MED13: variants seen among roughly 807,000 people sequenced by gnomAD.
The protein encoded by MED13 is mediator complex subunit 13, also known as mediator of RNA polymerase II transcription subunit 13.
MED13 carries 23 observed loss-of-function variants against 225.2 expected under a neutral mutation model. The ratio of observed to expected loss-of-function variants is 0.10; its 90% CI spans 0.07 to 0.14. The LOEUF is 0.14. Among genes scored for constraint, MED13 ranks in the 10% least tolerant of loss-of-function variants. The probability of loss-of-function intolerance (pLI) is 1.00; values close to 1 mark genes in which losing one functional copy is unlikely to be tolerated. For synonymous variants in MED13, 942 were observed against 889.2 expected (o/e 1.06, Z -1.06); for missense variants, 2,197 against 2,594.5 (o/e 0.85, Z 3.33).
At chr17:62,050,316 C>A (rs1360728126) in intron 3 of MED13, among the ~76,000 whole-genome samples, 1 of 151,108 alleles carries the variant, frequency 6.6e-6, no homozygotes, top group Admixed American at 6.6e-5. Flanking sequence ...CGAGATCATA[C>A]CATTGCGCTC....
At chr17:62,013,542 GA>G (rs915495416) in intron 8 of MED13, among the ~76,000 whole-genome samples, 3 of 151,184 alleles carry the variant, frequency 2.0e-5, no homozygotes, top group African/African-American at 7.3e-5. Flanking sequence ...TGATCTGATG[GA>G]TATCTATGAA....
At chr17:62,049,263 T>C (rs921378320) in intron 3 of MED13, among the ~76,000 whole-genome samples, 4 of 152,074 alleles carry the variant, frequency 2.6e-5, no homozygotes, top group Admixed American at 6.5e-5. Context: ...GGGAAACTCA[T>C]AAGATTATAC....
At chr17:61,986,010 C>T (rs148921942) in intron 12 of MED13, among the ~76,000 whole-genome samples, 9 of 152,270 alleles carry the variant, frequency 5.9e-5, no homozygotes, top group Non-Finnish European at 1.3e-4. Context: ...TCAGAGCTAA[C>T]ATTTGTTCCA....
chr17:61,998,283 A>C (rs1473464288), intron 9 of MED13, among the ~76,000 whole-genome samples: 3 of 152,178 alleles, frequency 2.0e-5, no homozygotes, highest in African/African-American at 7.2e-5. Context: ...ATTAGACATA[A>C]AGCTAAATAC....
At position 62,033,910 on chromosome 17, in the gene MED13, T is replaced by G. The variant is rs908011478; in HGVS notation, c.691A>C (p.Lys231Gln). Reference protein sequence around the residue: ...AFKMSDSATKKLIGEWKQFYP... With the variant: ...AFKMSDSATKQLIGEWKQFYP... ...AACTGTTTCCATTCACCAATTAATT[T>G]TTTTGTAGCTGAATCAGACATCTTG... The change falls in exon 5 of 30, where the codon AAA becomes CAA. Residue 231 changes from lysine (K) to glutamine (Q), a missense_variant. Physicochemically the swap from Lys to Gln is moderately conservative, Grantham distance 53. This residue lies in a region of MED13 where 884 missense variants were observed against 918.5 expected (regional missense o/e 0.96). Coordinates refer to ENST00000397786, the MANE Select transcript of MED13 (RefSeq NM_005121.3). The G allele has an allele frequency of 1.2e-6, 2 of 1,614,014 alleles. No homozygotes were observed. The highest frequency in any genetic ancestry group is 2.7e-5 in the African/African-American group (2 of 74,942).
Position 61,982,858 on chromosome 17 carries a change from A to T in MED13, c.3145T>A (p.Ser1049Thr), listed in dbSNP as rs765019071. 1 of 1,614,172 alleles carries T rather than the reference A, an allele frequency of 6.2e-7. No homozygotes were observed. The highest frequency in any genetic ancestry group is 1.1e-5 in the South Asian group (1 of 91,084). Residue 1049 changes from serine (S) to threonine (T), a missense_variant, in exon 16 of 30, where the codon TCT (serine) becomes ACT (threonine). This residue lies in a region of MED13 where 99 missense variants were observed against 158.5 expected (regional missense o/e 0.62). Transcript: ENST00000397786. ...SDLYSPASTP[S>T]TCRPLNSVEP... ...ACAGAATTAAGGGGTCTGCATGTAG[A>T]TGGGGTAGAAGCTGGTGAATACAAG...
intron 9 of MED13, among the ~76,000 whole-genome samples, chr17:62,001,837 G>GT (rs1429936619): frequency 2.0e-5 from 3 of 152,066 alleles, no homozygotes; most frequent in African/African-American, 4.8e-5. Context: ...AGCATCCTGC[G>GT]TAAGAGAAAC....
chr17:61,952,912 G>A, intron 27 of MED13, 53 bp downstream of exon 27: 1 of 1,573,428 alleles, frequency 6.4e-7, no homozygotes, highest in Admixed American at 1.9e-5. Flanking sequence ...TGGGATTTTA[G>A]GCGTAAGCCA....
intron 5 of MED13, 136 bp from the exon 6 acceptor site, chr17:62,031,774 C>A: frequency 2.2e-6 from 1 of 464,636 alleles, no homozygotes; most frequent in East Asian, 3.7e-5. Context: ...ATATAAGCTT[C>A]TTTGGCATAA....
At chr17:62,007,126 AGT>A (rs1270210232) in intron 9 of MED13, 1 of 152,198 alleles carries the variant, frequency 6.6e-6, no homozygotes, top group Non-Finnish European at 1.5e-5. Flanking sequence ...CTATAGTCCC[AGT>A]TCCTCTGGAG....
At chr17:61,995,573 TC>T (rs1181680029) in intron 9 of MED13, among the ~76,000 whole-genome samples, 1 of 152,196 alleles carries the variant, frequency 6.6e-6, no homozygotes, top group Admixed American at 6.5e-5. Flanking sequence ...AATCCAAGTT[TC>T]CTAACTATAT....
intron 8 of MED13, among the ~76,000 whole-genome samples, chr17:62,024,468 T>C (rs1038746664): frequency 1.4e-4 from 21 of 152,350 alleles, no homozygotes; most frequent in Admixed American, 1.3e-3. Context: ...TAAAAAAGTC[T>C]AGTTTAGGAA....
At position 62,065,182 on chromosome 17, in the gene MED13, G is replaced by A. The variant is rs372069062; in HGVS notation, c.24C>T (p.Asn8=). The change falls in exon 1 of 30, where the codon AAC becomes AAT. Residue 8 remains asparagine (N), a synonymous_variant. Transcript: ENST00000397786. ...AGTGACAATCTTCCAGGCTGGCCCC[G>A]TTCGGCACGAAGGAGGCACTCATCG... MSASFVP[N]GASLEDCHCN... is the part of the protein sequence containing the mutation. 1.4e-4 allele frequency: 219 copies of A among 1,579,692 alleles called. No individual in the cohort carries two copies. The highest frequency in any genetic ancestry group is 2.2e-4 in the African/African-American group (16 of 72,420).
At chr17:62,035,633 C>T in intron 3 of MED13, 25 bp from the exon 4 acceptor site, 1 of 1,591,652 alleles carries the variant, frequency 6.3e-7, no homozygotes, top group Admixed American at 1.8e-5. Context: ...AAAGTTTTAT[C>T]TTAGTGATGA....
At chr17:62,022,790 G>A (rs995604598) in intron 8 of MED13, among the ~76,000 whole-genome samples, 17 of 152,198 alleles carry the variant, frequency 1.1e-4, no homozygotes, top group Middle Eastern at 3.4e-3. Flanking sequence ...CAGGAAGATC[G>A]CTTGAGCCCA....
chr17:61,961,842 G>A, intron 21 of MED13, 63 bp from the exon 22 acceptor site: 10 of 1,439,378 alleles, frequency 6.9e-6, no homozygotes, highest in Middle Eastern at 1.8e-4. Context: ...AGGAACTGTG[G>A]GTCTAAAACT....
At chr17:62,062,134 A>T (rs1373849835) in intron 2 of MED13, among the ~76,000 whole-genome samples, 2 of 152,150 alleles carry the variant, frequency 1.3e-5, no homozygotes, top group African/African-American at 4.8e-5. Context: ...TTCAAATAAG[A>T]ACTTAAAAAA....
chr17:62,062,602 A>ACAC (rs1568010365), intron 2 of MED13, among the ~76,000 whole-genome samples: 20 of 25,070 alleles, frequency 8.0e-4, no homozygotes, highest in East Asian at 5.0e-3. Flanking sequence ...CACACACACC[A>ACAC]CACACACACA....
intron 2 of MED13, among the ~76,000 whole-genome samples, chr17:62,057,453 T>C (rs2081004521): frequency 6.6e-6 from 1 of 152,196 alleles, no homozygotes; most frequent in Admixed American, 6.5e-5. Context: ...AGTTGTCACC[T>C]AGGAGACTAG....
Sources: allele counts gnomAD v4.1 joint callset (sites outside exome capture counted in the v4.1 genomes callset), GRCh38; gene constraint gnomAD v4.1.1; regional missense constraint gnomAD v4.1.1; transcripts MANE v1.5; gene names NCBI Gene and HGNC (gene_info 2026-07-23, HGNC 2026-07-21).